The following HAUS8 variants were observed in gnomAD, a reference collection of about 807,000 sequenced individuals.
HAUS8 encodes the protein HAUS augmin-like complex subunit 8.
A neutral mutation model predicts 42.9 loss-of-function variants in HAUS8; 38 were observed. The ratio of observed to expected loss-of-function variants is 0.89; its 90% CI spans 0.68 to 1.16. HAUS8 has a LOEUF of 1.16. Ranked by LOEUF, HAUS8 falls within the 50% of genes most tolerant of loss-of-function variation. The probability of loss-of-function intolerance (pLI) is 0.00; values close to 1 mark genes in which losing one functional copy is unlikely to be tolerated. For missense variants in HAUS8, 494 were observed against 511.6 expected (o/e 0.97, Z 0.33); for synonymous variants, 199 against 205.8 (o/e 0.97, Z 0.28).
intron 8 of HAUS8, among the ~76,000 whole-genome samples, chr19:17,058,183 T>A (rs2057337377): frequency 6.6e-6 from 1 of 152,216 alleles, no homozygotes; most frequent in Admixed American, 6.5e-5. Flanking sequence ...TTCTCCCACA[T>A]GGACACTGCT....
At position 17,052,981 on chromosome 19, in the gene HAUS8, G is replaced by C. The variant is rs751664316; in HGVS notation, c.788-15C>G. ...CTGCAGGGCGTCTGGAGGGGAAGAG[G>C]GATGGTGGGCGATGGATGGCAAGGT... On this transcript the variant is annotated splice_polypyrimidine_tract_variant and intron_variant, in intron 9 of 10. Coordinates refer to ENST00000253669, the MANE Select transcript of HAUS8 (RefSeq NM_033417.2). 8 of 1,613,888 alleles carry C rather than the reference G, an allele frequency of 5.0e-6. No homozygotes were observed. The East Asian group carries it at 1.8e-4, about 36-fold the overall frequency.
At chr19:17,071,070 T>TAA (rs66941823) in intron 2 of HAUS8, among the ~76,000 whole-genome samples, 46,640 of 146,794 alleles carry the variant, frequency 0.32, 7,559 homozygotes, top group Non-Finnish European at 0.36. Context: ...CTTTGTCTCA[T>TAA]AAAAAAAAAA....
chr19:17,055,339 CAAAAAAAAAAAAA>C (rs11315045), intron 9 of HAUS8, among the ~76,000 whole-genome samples: 152 of 49,500 alleles, frequency 3.1e-3, no homozygotes, highest in Middle Eastern at 0.013. Flanking sequence ...GATGCTGTCT[CAAAAAAAAAAAAA>C]AAAAAAAAAA....
intron 4 of HAUS8, among the ~76,000 whole-genome samples, chr19:17,061,013 T>C (rs1035969303): frequency 6.6e-6 from 1 of 152,138 alleles, no homozygotes. Flanking sequence ...TAGGGTACAA[T>C]ATAACAACGA....
At position 17,059,570 on chromosome 19, in the gene HAUS8, C is replaced by T. The variant is rs375237036; in HGVS notation, c.407G>A (p.Arg136Gln). 25 of 1,612,914 alleles carry T rather than the reference C, an allele frequency of 1.5e-5. No individual in the cohort carries two copies. Among genetic ancestry groups the T allele is most frequent in the Middle Eastern group, 1.6e-4 (1 of 6,082 alleles). The part of the protein sequence containing the change: ...KPESTSFSAP[R>Q]KKSPDLSEAM... Reference sequence around the variant, plus strand: ...TCAGACACTTACCGGGCTCTTTTTCCGAGGGGCAGAAAATGATGTTGACTC... The same window carrying T: ...TCAGACACTTACCGGGCTCTTTTTCTGAGGGGCAGAAAATGATGTTGACTC... Residue 136 changes from arginine to glutamine, a missense_variant, in exon 6 of 11, where the codon CGG becomes CAG. By Grantham distance (43) the Arg-to-Gln change is conservative. Coordinates refer to ENST00000253669, the MANE Select transcript of HAUS8 (RefSeq NM_033417.2).
intron 3 of HAUS8, among the ~76,000 whole-genome samples, chr19:17,063,065 C>T (rs1161852865): frequency 6.6e-6 from 1 of 152,114 alleles, no homozygotes; most frequent in East Asian, 1.9e-4. Context: ...TAAGTATTTG[C>T]TAGTTTTCCA....
At chr19:17,065,251 G>A (rs2057380894) in intron 3 of HAUS8, among the ~76,000 whole-genome samples, 1 of 152,160 alleles carries the variant, frequency 6.6e-6, no homozygotes, top group Non-Finnish European at 1.5e-5. Context: ...GTGGATAACA[G>A]GTAGTTTCCT....
chr19:17,053,584 G>A (rs958846836), intron 9 of HAUS8: 47 of 152,402 alleles, frequency 3.1e-4, no homozygotes, highest in African/African-American at 1.1e-3. Flanking sequence ...ACAGGGTTTT[G>A]TGGATGGGGG....
At position 17,049,967 on chromosome 19, in the gene HAUS8, T is replaced by C; in HGVS notation, c.1139A>G (p.Gln380Arg). 1.3e-6 allele frequency: 2 copies of C among 1,591,178 alleles called. No homozygotes were observed. The highest frequency in any genetic ancestry group is 1.7e-6 in the Non-Finnish European group (2 of 1,169,786). ...DNPGASSAPA[Q>R]ATFISPSEDF... is the part of the protein sequence containing the mutation. ...TTCGCTTGGGCTGATGAACGTGGCC[T>C]GAGCGGGGGCTGACGAGGCACCCGG... The change falls in exon 11 of 11, where the codon CAG becomes CGG. Residue 380 changes from glutamine (Q) to arginine (R), a missense_variant. Physicochemically the swap from Gln to Arg is conservative, Grantham distance 43 (BLOSUM62 1). Coordinates refer to ENST00000253669, the MANE Select transcript of HAUS8 (RefSeq NM_033417.2).
At chr19:17,069,162 G>A (rs564327444) in intron 2 of HAUS8, 76 bp from the exon 3 acceptor site, 124 of 1,333,106 alleles carry the variant, frequency 9.3e-5, no homozygotes, top group African/African-American at 3.0e-4. Flanking sequence ...CCCACGCCCC[G>A]GAGACCCAGA....
chr19:17,073,183 C>G, intron 2 of HAUS8, 91 bp downstream of exon 2: 2 of 1,131,974 alleles, frequency 1.8e-6, no homozygotes, highest in Non-Finnish European at 2.7e-6. Context: ...AAGCCACAGG[C>G]CCCCTTCTCT....
rs554606473 is a variant in HAUS8, at chr19:17,060,687, C to G, written c.230-595G>C. ...CCTCCCAAAGTGTTGGGATTACAGG[C>G]ATGAGCCACCGCACTCAGCCAAGTA... is the stretch of plus-strand genomic sequence containing the variant. On this transcript the variant is annotated intron_variant, in intron 4 of 10. Coordinates refer to ENST00000253669, the MANE Select transcript of HAUS8 (RefSeq NM_033417.2). 5.9e-5 allele frequency among the ~76,000 whole-genome samples: 9 copies of G among 152,344 alleles called. 1 individual carries two copies. The South Asian group carries it at 1.9e-3, about 32-fold the overall frequency.
intron 9 of HAUS8, chr19:17,055,133 A>T (rs2057312985): frequency 2.7e-5 from 1 of 37,604 alleles, no homozygotes; most frequent in Non-Finnish European, 4.6e-5. Flanking sequence ...AAAAAAAAAA[A>T]AAAAAAAAAA....
intron 4 of HAUS8, 95 bp from the exon 5 acceptor site, chr19:17,060,187 T>G: frequency 1.4e-6 from 1 of 692,588 alleles, no homozygotes; most frequent in East Asian, 2.7e-5. Context: ...CAATACCACT[T>G]GCTTCTAAAA....
intron 10 of HAUS8, among the ~76,000 whole-genome samples, chr19:17,051,468 GCA>G (rs2057286912): frequency 6.6e-6 from 1 of 151,898 alleles, no homozygotes; most frequent in African/African-American, 2.4e-5. Flanking sequence ...GCAAGCCACT[GCA>G]CAGTCCTTTA....
At chr19:17,071,638 G>A (rs1336336889) in intron 2 of HAUS8, among the ~76,000 whole-genome samples, 1 of 152,184 alleles carries the variant, frequency 6.6e-6, no homozygotes, top group Non-Finnish European at 1.5e-5. Flanking sequence ...GGCTTGGGCT[G>A]CCTTGGACGG....
chr19:17,065,460 C>T (rs1462738390), intron 3 of HAUS8, among the ~76,000 whole-genome samples: 1 of 152,198 alleles, frequency 6.6e-6, no homozygotes, highest in Non-Finnish European at 1.5e-5. Context: ...GGGTTTAAAG[C>T]ATGCCCTTTT....
In HAUS8 at chr19:17,058,638, C is replaced by T; in HGVS notation, c.556G>A (p.Glu186Lys). 1.9e-6 allele frequency: 3 copies of T among 1,613,816 alleles called. No individual in the cohort carries two copies. The highest frequency in any genetic ancestry group is 2.5e-6 in the Non-Finnish European group (3 of 1,179,880). ...KNLLIMCKEKEKLQKKAHELK... is the reference protein window; with the variant it reads ...KNLLIMCKEKKKLQKKAHELK... Reference sequence around the variant, plus strand: ...TCGTGGGCCTTTTTCTGTAGCTTCTCCTTCTCCTTACACATTATTAATAAA... The same window carrying T: ...TCGTGGGCCTTTTTCTGTAGCTTCTTCTTCTCCTTACACATTATTAATAAA... Residue 186 changes from glutamate to lysine, a missense_variant, in exon 8 of 11, where the codon GAG (glutamate) becomes AAG (lysine). Physicochemically the swap from Glu to Lys is moderately conservative, Grantham distance 56. Transcript: ENST00000253669.
At chr19:17,066,765 C>T (rs1256155940) in intron 3 of HAUS8, among the ~76,000 whole-genome samples, 1 of 152,138 alleles carries the variant, frequency 6.6e-6, no homozygotes, top group African/African-American at 2.4e-5. Flanking sequence ...AGAAATAAAA[C>T]CACGTCTACA....
Sources: allele counts gnomAD v4.1 joint callset (sites outside exome capture counted in the v4.1 genomes callset), GRCh38; gene constraint gnomAD v4.1.1; transcripts MANE v1.5; gene names NCBI Gene and HGNC (gene_info 2026-07-23, HGNC 2026-07-21).